The following RYR3 variants were observed in gnomAD, a reference collection of about 807,000 sequenced individuals.
The protein encoded by RYR3 is ryanodine receptor 3, also known as brain ryanodine receptor-calcium release channel.
Under a neutral mutation model 584.3 loss-of-function variants are expected in RYR3, and 207 were observed. The ratio of observed to expected loss-of-function variants is 0.35; its 90% CI spans 0.32 to 0.40. The LOEUF (loss-of-function observed/expected upper bound fraction) is 0.40. Among genes scored for constraint, RYR3 ranks in the 10% least tolerant of loss-of-function variants. RYR3 has a pLI of 1.00. For missense variants in RYR3, 5,616 were observed against 6,089.2 expected, an observed-to-expected ratio of 0.92 and a Z score of 2.59; for synonymous variants, 2,416 against 2,248.5, an observed-to-expected ratio of 1.07 and a Z score of -2.11.
rs1032942532 is a variant in RYR3, at chr15:33,660,192, C to T, written c.4396-5C>T. 9.7e-6 allele frequency: 15 copies of T among 1,548,006 alleles called. No individual in the cohort carries two copies. The highest frequency in any genetic ancestry group is 1.3e-5 in the Non-Finnish European group (15 of 1,143,806). On this transcript the variant is annotated splice_region_variant and splice_polypyrimidine_tract_variant and intron_variant, in intron 33 of 103. Coordinates refer to ENST00000634891, the MANE Select transcript of RYR3 (RefSeq NM_001036.6). ...CTTTTCCAATGCCTTTCCCACGTGC[C>T]CCAGAACGCAATGCCCCTGTCAGCG...
intron 64 of RYR3, among the ~76,000 whole-genome samples, chr15:33,778,236 T>C (rs900969578): frequency 6.6e-6 from 1 of 152,100 alleles, no homozygotes; most frequent in Non-Finnish European, 1.5e-5. Context: ...TTATTCCTGA[T>C]TTTCATCCAG....
intron 16 of RYR3, among the ~76,000 whole-genome samples, chr15:33,591,651 C>G (rs995347852): frequency 1.3e-5 from 2 of 152,072 alleles, no homozygotes; most frequent in Non-Finnish European, 2.9e-5. Context: ...TCTACTTGCC[C>G]CTGAAGCTGC....
chr15:33,362,312 T>C lies in RYR3; in HGVS notation c.51+51216T>C, dbSNP rs1974880004. Among the ~76,000 whole-genome samples, 5 of 151,916 alleles carry C rather than the reference T, an allele frequency of 3.3e-5. No individual in the cohort carries two copies. In the South Asian group the frequency reaches 1.0e-3, roughly 32 times the overall value. Reference sequence around the variant, plus strand: ...AACCTGTCTTCTCTACATCATAGGGTTGTGGGGAGAATTAAATGAACTAAT... The same window carrying C: ...AACCTGTCTTCTCTACATCATAGGGCTGTGGGGAGAATTAAATGAACTAAT... On this transcript the variant is annotated intron_variant, in intron 1 of 103. Coordinates refer to ENST00000634891, the MANE Select transcript of RYR3 (RefSeq NM_001036.6).
chr15:33,843,511 C>A lies in RYR3; in HGVS notation c.13233C>A (p.Tyr4411Ter). The part of the protein sequence containing the change: ...KLLHYLARNF[Y>*]NLRFLALFVA... Reference sequence around the variant, plus strand: ...AGCATTACCTGGCCAGGAATTTCTACAACCTGAGGTTCCTTGCTCTGTTTG... The same window carrying A: ...AGCATTACCTGGCCAGGAATTTCTAAAACCTGAGGTTCCTTGCTCTGTTTG... The change falls in exon 92 of 104, where the codon TAC becomes TAA. Residue 4411 changes from tyrosine (Y) to a stop codon, truncating the protein, a stop_gained. Transcript: ENST00000634891. LOFTEE classifies it high-confidence loss of function. 1 of 1,604,492 alleles carries A rather than the reference C, an allele frequency of 6.2e-7. No homozygotes were observed. The highest frequency in any genetic ancestry group is 8.5e-7 in the Non-Finnish European group (1 of 1,175,052).
intron 64 of RYR3, among the ~76,000 whole-genome samples, 174 bp downstream of exon 64, chr15:33,773,789 T>C (rs563338631): frequency 6.6e-6 from 1 of 152,314 alleles, no homozygotes; most frequent in African/African-American, 2.4e-5. Context: ...AGAAGTGCAA[T>C]GATGAGGCTA....
chr15:33,430,337 G>A lies in RYR3; in HGVS notation c.52-43082G>A, dbSNP rs930217687. Among the ~76,000 whole-genome samples the A allele has an allele frequency of 8.5e-5, 13 of 152,296 alleles. No individual in the cohort carries two copies. In the East Asian group the frequency reaches 2.1e-3, roughly 25 times the overall value. ...AAGTCACAGGCAAAAGTGATAAATC[G>A]GCACATCGAGGCTATACATTGGTTT... is the stretch of plus-strand genomic sequence containing the variant. On this transcript the variant is annotated intron_variant, in intron 1 of 103. Coordinates refer to ENST00000634891, the MANE Select transcript of RYR3 (RefSeq NM_001036.6).
intron 38 of RYR3, among the ~76,000 whole-genome samples, chr15:33,693,699 G>C (rs113837015): frequency 2.0e-5 from 3 of 152,326 alleles, no homozygotes; most frequent in African/African-American, 7.2e-5. Context: ...AGGGCTGTAG[G>C]TTGCAGAATA....
intron 1 of RYR3, among the ~76,000 whole-genome samples, chr15:33,430,908 A>G (rs965204213): frequency 1.3e-5 from 2 of 152,158 alleles, no homozygotes; most frequent in African/African-American, 2.4e-5. Context: ...TAACTCTCCA[A>G]CTGCCGGCAG....
In RYR3 at chr15:33,652,895, T is replaced by A; in HGVS notation, c.4308+12T>A. 1 of 1,600,900 alleles carries A rather than the reference T, an allele frequency of 6.2e-7. No individual in the cohort carries two copies. The highest frequency in any genetic ancestry group is 8.5e-7 in the Non-Finnish European group (1 of 1,173,318). On this transcript the variant is annotated intron_variant, in intron 32 of 103. Transcript: ENST00000634891. ...GCACCTGCTACCAGGTAAGGGCGGC[T>A]TCTGGGGCCGAAACAGGGCTATCCC...
chr15:33,345,974 T>C (rs1377782194), intron 1 of RYR3, among the ~76,000 whole-genome samples: 1 of 152,238 alleles, frequency 6.6e-6, no homozygotes, highest in Non-Finnish European at 1.5e-5. Context: ...ACTTTGTGTT[T>C]TTACATAATT....
intron 1 of RYR3, among the ~76,000 whole-genome samples, chr15:33,327,003 G>GT (rs1167585572): frequency 1.9e-5 from 2 of 107,850 alleles, no homozygotes; most frequent in South Asian, 5.5e-4. Context: ...TTAGGGTGTA[G>GT]TTTAAAAAAA....
chr15:33,338,921 T>A (rs1481860211), intron 1 of RYR3, among the ~76,000 whole-genome samples: 2 of 152,184 alleles, frequency 1.3e-5, no homozygotes, highest in African/African-American at 4.8e-5. Context: ...TATGTGTACA[T>A]ACACACTGTA....
intron 64 of RYR3, among the ~76,000 whole-genome samples, chr15:33,775,757 A>G (rs1283153709): frequency 2.0e-5 from 3 of 152,126 alleles, no homozygotes; most frequent in African/African-American, 7.2e-5. Flanking sequence ...CTACTCTGTA[A>G]TGGAACGTGG....
intron 19 of RYR3, among the ~76,000 whole-genome samples, chr15:33,614,533 A>T (rs2060353677): frequency 6.6e-6 from 1 of 152,100 alleles, no homozygotes; most frequent in Non-Finnish European, 1.5e-5. Flanking sequence ...TTTTATTACG[A>T]ATGTGGTGAA....
intron 42 of RYR3, among the ~76,000 whole-genome samples, chr15:33,705,362 TCAG>T (rs1173536900): frequency 1.3e-5 from 2 of 152,170 alleles, no homozygotes; most frequent in Non-Finnish European, 2.9e-5. Flanking sequence ...ATATTTGACA[TCAG>T]CAAGTAAGTG....
intron 69 of RYR3, among the ~76,000 whole-genome samples, chr15:33,805,540 C>G (rs542636967): frequency 3.3e-5 from 5 of 150,038 alleles, no homozygotes; most frequent in South Asian, 2.1e-4. Context: ...TACAGTGGTG[C>G]GATCTCGGCT....
At chr15:33,776,465 G>C (rs1226826847) in intron 64 of RYR3, among the ~76,000 whole-genome samples, 1 of 152,312 alleles carries the variant, frequency 6.6e-6, no homozygotes, top group East Asian at 1.9e-4. Context: ...GTTAAACACT[G>C]GGTCTCAGTT....
At chr15:33,847,947 A>G (rs991740339) in intron 93 of RYR3, among the ~76,000 whole-genome samples, 3 of 152,206 alleles carry the variant, frequency 2.0e-5, no homozygotes, top group Non-Finnish European at 4.4e-5. Context: ...ATCTTGGTTC[A>G]ACTCCAGCCG....
At chr15:33,519,250 A>G (rs2053783627) in intron 3 of RYR3, among the ~76,000 whole-genome samples, 1 of 152,164 alleles carries the variant, frequency 6.6e-6, no homozygotes, top group Admixed American at 6.5e-5. Context: ...TACAGTCTTC[A>G]CCACACATAG....
Sources: gnomAD v4.1 joint callset for allele counts (sites outside exome capture counted in the v4.1 genomes callset) on GRCh38, gnomAD v4.1.1 for gene constraint, MANE v1.5 for transcripts, NCBI Gene and HGNC (gene_info 2026-07-23, HGNC 2026-07-21) for gene names.